Variants in NCOA2 observed in about 807,000 individuals in gnomAD.
The protein encoded by NCOA2 is class E basic helix-loop-helix protein 75.
In NCOA2, 21 loss-of-function variants were observed where a neutral mutation model predicts 145.1. The observed-to-expected ratio is 0.14, with a 90% CI of 0.10 to 0.21. The LOEUF (loss-of-function observed/expected upper bound fraction) is 0.21, where lower values mean the gene tolerates loss of function less well. Ranked by LOEUF, NCOA2 falls within the 10% of genes least tolerant of loss-of-function variation. The pLI, the probability that NCOA2 is intolerant of heterozygous loss-of-function variation, is 1.00. For missense variants in NCOA2, 1,472 were observed against 1,837.6 expected, an observed-to-expected ratio of 0.80 and a Z score of 3.64; for synonymous variants, 619 against 637.5, an observed-to-expected ratio of 0.97 and a Z score of 0.44.
intron 15 of NCOA2, among the ~76,000 whole-genome samples, chr8:70,136,609 A>T (rs1448360777): frequency 6.6e-6 from 1 of 152,048 alleles, no homozygotes; most frequent in Non-Finnish European, 1.5e-5. Flanking sequence ...AGCTATAAAT[A>T]CATGAATATG....
intron 4 of NCOA2, among the ~76,000 whole-genome samples, chr8:70,211,430 GC>G (rs1819008456): frequency 6.6e-6 from 1 of 151,120 alleles, no homozygotes; most frequent in Admixed American, 6.6e-5. Flanking sequence ...CTGCACTCCA[GC>G]CTGGGCAACA....
At chr8:70,403,565 G>A (rs111518946) in intron 1 of NCOA2, 135 bp downstream of exon 1, 6,927 of 202,140 alleles carry the variant, frequency 0.034, 457 homozygotes, top group African/African-American at 0.15. Flanking sequence ...CACAAAAACA[G>A]CCTCTCGGAG....
chr8:70,179,680 C>G (rs556488162), intron 4 of NCOA2, among the ~76,000 whole-genome samples: 142 of 152,286 alleles, frequency 9.3e-4, no homozygotes, highest in Non-Finnish European at 5.1e-4. Flanking sequence ...ACTTTTCTAT[C>G]TTTTGCATCC....
At chr8:70,229,672 T>G (rs542915383) in intron 2 of NCOA2, among the ~76,000 whole-genome samples, 1 of 152,304 alleles carries the variant, frequency 6.6e-6, no homozygotes, top group East Asian at 1.9e-4. Context: ...GAGTGCTGAC[T>G]GCATCCTACC....
intron 1 of NCOA2, among the ~76,000 whole-genome samples, chr8:70,307,560 A>G (rs560598613): frequency 1.3e-5 from 2 of 152,386 alleles, no homozygotes; most frequent in South Asian, 2.1e-4. Context: ...CGACCATTAT[A>G]TAACTGATAA....
intron 1 of NCOA2, among the ~76,000 whole-genome samples, chr8:70,338,848 A>C (rs1305205943): frequency 1.3e-5 from 2 of 152,256 alleles, no homozygotes; most frequent in African/African-American, 4.8e-5. Flanking sequence ...AAGACAAAAA[A>C]CACATGATTA....
intron 4 of NCOA2, among the ~76,000 whole-genome samples, chr8:70,207,862 CAAAAAAAA>C (rs754670876): frequency 1.4e-4 from 5 of 36,206 alleles, no homozygotes; most frequent in Admixed American, 3.4e-4. Context: ...GACTCCACCT[CAAAAAAAA>C]AAAAAAAAAA....
chr8:70,305,449 C>T (rs868195483), intron 1 of NCOA2, among the ~76,000 whole-genome samples: 2 of 152,124 alleles, frequency 1.3e-5, no homozygotes, highest in South Asian at 2.1e-4. Context: ...AAAGCATGTA[C>T]GAGGGCAAGA....
intron 1 of NCOA2, among the ~76,000 whole-genome samples, chr8:70,346,752 C>T (rs1039910099): frequency 1.3e-5 from 2 of 152,182 alleles, no homozygotes; most frequent in Non-Finnish European, 1.5e-5. Flanking sequence ...ATGTAGCTAA[C>T]AAGTACTCAA....
chr8:70,149,346 C>T (rs1040721129), intron 11 of NCOA2, among the ~76,000 whole-genome samples: 2 of 151,582 alleles, frequency 1.3e-5, no homozygotes, highest in Non-Finnish European at 1.5e-5. Context: ...GTGATCCTGC[C>T]ACCTGAGCCT....
chr8:70,304,020 C>T (rs1252626267), intron 1 of NCOA2, among the ~76,000 whole-genome samples: 1 of 152,060 alleles, frequency 6.6e-6, no homozygotes, highest in Non-Finnish European at 1.5e-5. Flanking sequence ...TCATCTTCTC[C>T]TTAGCTTTTT....
chr8:70,438,643 G>C, the NCOA2 span, among the ~76,000 whole-genome samples: 3 of 152,160 alleles, frequency 2.0e-5, no homozygotes, highest in Admixed American at 6.6e-5. Context: ...GGCCTGATTG[G>C]AGAGTTTTAT....
chr8:70,294,988 A>C (rs1324655634), intron 2 of NCOA2, among the ~76,000 whole-genome samples: 2 of 152,220 alleles, frequency 1.3e-5, no homozygotes, highest in Non-Finnish European at 2.9e-5. Flanking sequence ...ATAATTCTTA[A>C]AGGTCAGACT....
chr8:70,333,280 C>G (rs1440227617), intron 1 of NCOA2, among the ~76,000 whole-genome samples: 1 of 152,100 alleles, frequency 6.6e-6, no homozygotes, highest in Non-Finnish European at 1.5e-5. Flanking sequence ...CAGAGTATTC[C>G]TAAGCATTCA....
rs74637794 is a variant in NCOA2 at position 70,358,226 on chromosome 8, T to C, written c.-77+45474A>G. 5.5e-3 allele frequency among the ~76,000 whole-genome samples: 835 copies of C among 152,168 alleles called. 6 individuals carry two copies. Among genetic ancestry groups the C allele is most frequent in the Non-Finnish European group, 8.7e-3 (593 of 67,992 alleles). Reference sequence around the variant, plus strand: ...GATTAAATGCAATTCCTATCAAAATTCCAATGGCCTTTTTAATAGAAATGA... The same window carrying C: ...GATTAAATGCAATTCCTATCAAAATCCCAATGGCCTTTTTAATAGAAATGA... On this transcript the variant is annotated intron_variant, in intron 1 of 22. Transcript: ENST00000452400.
At position 70,156,854 on chromosome 8, in the gene NCOA2, G is replaced by A. The variant is rs1287380802; in HGVS notation, c.1511C>T (p.Pro504Leu). ...PGVAGSPRIP[P>L]SQFSPAGSLH... Reference sequence around the variant, plus strand: ...GCTTCCTGCAGGGGAAAACTGACTGGGTGGGATTCGAGGGCTGCCAGCCAC... The same window carrying A: ...GCTTCCTGCAGGGGAAAACTGACTGAGTGGGATTCGAGGGCTGCCAGCCAC... Residue 504 changes from proline (P) to leucine (L), a missense_variant, in exon 11 of 23, where the codon CCC becomes CTC. Physicochemically the swap from Pro to Leu is moderately conservative, Grantham distance 98 (BLOSUM62 -3). This residue lies in a region of NCOA2 where 953 missense variants were observed against 1,062.1 expected (regional missense o/e 0.90). Transcript: ENST00000452400. 5 of 1,613,882 alleles carry A rather than the reference G, an allele frequency of 3.1e-6. No individual in the cohort carries two copies. Among genetic ancestry groups the A allele is most frequent in the Non-Finnish European group, 4.2e-6 (5 of 1,179,886 alleles).
intron 2 of NCOA2, among the ~76,000 whole-genome samples, chr8:70,283,856 T>C (rs1003792220): frequency 3.3e-5 from 5 of 152,200 alleles, no homozygotes; most frequent in African/African-American, 4.8e-5. Flanking sequence ...GAGTGTCATG[T>C]TGGTGCTCAA....
At chr8:70,417,028 A>C in the NCOA2 span, among the ~76,000 whole-genome samples, 1 of 152,142 alleles carries the variant, frequency 6.6e-6, no homozygotes, top group East Asian at 1.9e-4. Flanking sequence ...TGCCCTATAC[A>C]CACATACATG....
chr8:70,165,852 C>T (rs534508129), intron 7 of NCOA2, among the ~76,000 whole-genome samples: 1 of 152,314 alleles, frequency 6.6e-6, no homozygotes, highest in South Asian at 2.1e-4. Context: ...TGGAGTCTCA[C>T]TCTGTCGCCC....
Sources: gnomAD v4.1 joint callset for allele counts (sites outside exome capture counted in the v4.1 genomes callset) on GRCh38, gnomAD v4.1.1 for gene constraint, gnomAD v4.1.1 regional missense constraint, MANE v1.5 for transcripts, NCBI Gene and HGNC (gene_info 2026-07-23, HGNC 2026-07-21) for gene names.